The following RNF220 variants were observed in gnomAD, a reference collection of about 807,000 sequenced individuals.
RNF220 encodes the protein E3 ubiquitin-protein ligase RNF220.
Under a neutral mutation model 67.1 loss-of-function variants are expected in RNF220, and 7 were observed. The observed-to-expected ratio is 0.10, with a 90% CI of 0.06 to 0.20. The LOEUF (loss-of-function observed/expected upper bound fraction) is 0.20, where lower values mean the gene tolerates loss of function less well. Ranked by LOEUF, RNF220 falls within the 10% of genes least tolerant of loss-of-function variation. The probability of loss-of-function intolerance (pLI) is 1.00; values close to 1 mark genes in which losing one functional copy is unlikely to be tolerated. For synonymous variants in RNF220, 270 were observed against 283.2 expected (o/e 0.95, Z 0.47); for missense variants, 565 against 740.3 (o/e 0.76, Z 2.75).
At chr1:44,625,860 C>T (rs1183684229) in intron 4 of RNF220, among the ~76,000 whole-genome samples, 1 of 152,036 alleles carries the variant, frequency 6.6e-6, no homozygotes, top group Admixed American at 6.6e-5. Flanking sequence ...GTGGGAAACT[C>T]ACATGCTATT....
At chr1:44,419,201 T>C (rs576821334) in intron 2 of RNF220, 1 of 152,368 alleles carries the variant, frequency 6.6e-6, no homozygotes, top group African/African-American at 2.4e-5. Context: ...TTAAGTATCA[T>C]TTAAATTGTG....
intron 2 of RNF220, among the ~76,000 whole-genome samples, chr1:44,608,309 C>G (rs1667427249): frequency 1.3e-5 from 2 of 152,186 alleles, no homozygotes; most frequent in Non-Finnish European, 2.9e-5. Context: ...TCCCTGAGGG[C>G]AGAGAGTGCG....
chr1:44,479,405 C>T (rs1180374321), intron 2 of RNF220, among the ~76,000 whole-genome samples: 2 of 152,036 alleles, frequency 1.3e-5, no homozygotes, highest in African/African-American at 2.4e-5. Flanking sequence ...TGTGAGCCAC[C>T]GCGCTCGGCC....
intron 2 of RNF220, among the ~76,000 whole-genome samples, chr1:44,608,531 C>T (rs1667443454): frequency 6.6e-6 from 1 of 152,192 alleles, no homozygotes; most frequent in African/African-American, 2.4e-5. Flanking sequence ...GCCCCATTTT[C>T]CTCATCAGTG....
intron 2 of RNF220, among the ~76,000 whole-genome samples, chr1:44,435,028 T>TAAA (rs33931761): frequency 1.3e-4 from 19 of 143,966 alleles, no homozygotes; most frequent in Non-Finnish European, 1.5e-4. Flanking sequence ...TCCTGTCTCT[T>TAAA]AAAAAAAAAA....
intron 6 of RNF220, among the ~76,000 whole-genome samples, chr1:44,633,883 C>T (rs1644246051): frequency 6.6e-6 from 1 of 152,204 alleles, no homozygotes; most frequent in Admixed American, 6.5e-5. Context: ...GTCAAGGCTA[C>T]CTAAGTCTGA....
chr1:44,422,755 G>A (rs942206159), intron 2 of RNF220, among the ~76,000 whole-genome samples: 7 of 152,156 alleles, frequency 4.6e-5, no homozygotes, highest in African/African-American at 1.7e-4. Flanking sequence ...CGTGGGAAGT[G>A]CCTCCTGGAG....
intron 2 of RNF220, among the ~76,000 whole-genome samples, chr1:44,517,972 T>C (rs1659586869): frequency 6.6e-6 from 1 of 152,026 alleles, no homozygotes; most frequent in South Asian, 2.1e-4. Context: ...CTGGGTATAG[T>C]GGTGCGCACC....
intron 2 of RNF220, among the ~76,000 whole-genome samples, chr1:44,596,975 C>A (rs192198126): frequency 2.0e-5 from 3 of 152,092 alleles, no homozygotes; most frequent in African/African-American, 7.2e-5. Flanking sequence ...TGAGAGAGAA[C>A]AAGCGAGTGG....
chr1:44,638,926 T>G (rs1644408639), intron 8 of RNF220, among the ~76,000 whole-genome samples: 1 of 152,222 alleles, frequency 6.6e-6, no homozygotes, highest in Non-Finnish European at 1.5e-5. Flanking sequence ...CACTCTGACC[T>G]TCCCAATTCT....
chr1:44,625,733 C>T (rs754988863), intron 4 of RNF220, among the ~76,000 whole-genome samples: 11 of 151,702 alleles, frequency 7.3e-5, no homozygotes, highest in African/African-American at 9.7e-5. Context: ...AAACTGCAGG[C>T]GTATGTAGAA....
chr1:44,425,593 C>T (rs1040766579), intron 2 of RNF220, among the ~76,000 whole-genome samples: 2 of 152,160 alleles, frequency 1.3e-5, no homozygotes, highest in Non-Finnish European at 2.9e-5. Flanking sequence ...GGCAACAGCA[C>T]AGTCAGAAGC....
chr1:44,623,493 G>A (rs182154790), intron 4 of RNF220, among the ~76,000 whole-genome samples: 1 of 152,342 alleles, frequency 6.6e-6, no homozygotes, highest in East Asian at 1.9e-4. Context: ...GTTTTGAGGG[G>A]ATGGATACAT....
chr1:44,531,122 G>T (rs1660798582), intron 2 of RNF220, among the ~76,000 whole-genome samples: 1 of 152,164 alleles, frequency 6.6e-6, no homozygotes. Flanking sequence ...TCAGAATTAT[G>T]ATCCAAACCC....
At chr1:44,638,787 A>G (rs1237763802) in intron 8 of RNF220, among the ~76,000 whole-genome samples, 1 of 152,168 alleles carries the variant, frequency 6.6e-6, no homozygotes. Context: ...TTTAGGACAA[A>G]ATAAAGAAGC....
chr1:44,560,868 A>G (rs1283953488), intron 2 of RNF220, among the ~76,000 whole-genome samples: 2 of 151,384 alleles, frequency 1.3e-5, no homozygotes, highest in East Asian at 3.9e-4. Context: ...GCCTTCAGCC[A>G]GTAGTTGCTG....
At position 44,649,110 on chromosome 1, in the gene RNF220, G is replaced by T. The variant is rs954058459; in HGVS notation, c.1446-551G>T. On this transcript the variant is annotated intron_variant, in intron 12 of 14. Transcript: ENST00000361799. This position sits in a 1 kb window ranked among gnomAD's most constrained non-coding sequence, Gnocchi z 5.9. ...GAGTCGAGCATAAAATGCGTGGCAA[G>T]GTCCTCAGGGGTACGGCGGGCTGGG... 1 of 163,826 alleles carries T rather than the reference G, an allele frequency of 6.1e-6. No homozygotes were observed. The highest frequency in any genetic ancestry group is 1.3e-5 in the Non-Finnish European group (1 of 74,616). 10.1% of individuals were successfully genotyped at this position (163,826 alleles called of 1,614,324 possible). A position where few individuals can be genotyped will look rare whatever the true frequency, so the allele number is the denominator to read the frequency against.
intron 2 of RNF220, among the ~76,000 whole-genome samples, chr1:44,612,149 G>A (rs930271760): frequency 3.9e-5 from 6 of 152,190 alleles, no homozygotes; most frequent in South Asian, 2.1e-4. Context: ...CTTGCCACAC[G>A]GACTGAAGCC....
chr1:44,516,092 C>T (rs970119097), intron 2 of RNF220, among the ~76,000 whole-genome samples: 1 of 152,192 alleles, frequency 6.6e-6, no homozygotes, highest in African/African-American at 2.4e-5. Flanking sequence ...TTTGCTTTTT[C>T]ACTCATCTAA....
Sources: allele counts gnomAD v4.1 joint callset (sites outside exome capture counted in the v4.1 genomes callset), GRCh38; gene constraint gnomAD v4.1.1; non-coding constraint Gnocchi (gnomAD v3.1); transcripts MANE v1.5; gene names NCBI Gene and HGNC (gene_info 2026-07-23, HGNC 2026-07-21).